The following BPNT2 variants were observed in gnomAD, a reference collection of about 807,000 sequenced individuals.
BPNT2 encodes the protein 3'(2'), 5'-bisphosphate nucleotidase 2.
In BPNT2, 11 loss-of-function variants were observed where a neutral mutation model predicts 29.3. The ratio of observed to expected loss-of-function variants is 0.38; its 90% CI spans 0.24 to 0.62. The LOEUF (loss-of-function observed/expected upper bound fraction) is 0.62. Among genes scored for constraint, BPNT2 ranks in the 20% least tolerant of loss-of-function variants. The pLI is 0.62. For missense variants in BPNT2, 459 were observed against 473.4 expected (o/e 0.97, Z 0.28); for synonymous variants, 195 against 187.7 (o/e 1.04, Z -0.32).
chr8:56,980,817 T>TACACAC (rs1343746473), intron 1 of BPNT2, among the ~76,000 whole-genome samples: 23 of 67,904 alleles, frequency 3.4e-4, no homozygotes, highest in African/African-American at 1.3e-3. Flanking sequence ...CATACATACA[T>TACACAC]ATACACACAC....
At chr8:56,972,487 G>A (rs1182879521) in intron 3 of BPNT2, among the ~76,000 whole-genome samples, 2 of 151,926 alleles carry the variant, frequency 1.3e-5, no homozygotes, top group East Asian at 1.9e-4. Context: ...ACACCAACAG[G>A]TGCAAAAACC....
chr8:56,968,381 T>C (rs1057094828), intron 3 of BPNT2, among the ~76,000 whole-genome samples: 11 of 132,096 alleles, frequency 8.3e-5, no homozygotes, highest in Admixed American at 8.2e-4. Flanking sequence ...ACAGAGAAAG[T>C]GATAGATTAA....
At position 56,993,396 on chromosome 8, in the gene BPNT2, G is replaced by C. The variant is rs761785565; in HGVS notation, c.190C>G (p.Arg64Gly). The change falls in exon 1 of 5, where the codon CGC becomes GGC. Residue 64 changes from arginine (R) to glycine (G), a missense_variant. Coordinates refer to ENST00000262644, the MANE Select transcript of BPNT2 (RefSeq NM_017813.5). Reference sequence around the variant, plus strand: ...AGCACTGACACAGCCAGCATCTCGCGCAAGTCCACGGTGCCCCCATCGGCC... The same window carrying C: ...AGCACTGACACAGCCAGCATCTCGCCCAAGTCCACGGTGCCCCCATCGGCC... Reference protein sequence around the residue: ...AAADGGTVDLREMLAVSVLAA... With the variant: ...AAADGGTVDLGEMLAVSVLAA... 4.4e-6 allele frequency: 7 copies of C among 1,606,952 alleles called. No homozygotes were observed. The highest frequency in any genetic ancestry group is 2.7e-5 in the African/African-American group (2 of 74,812).
intron 3 of BPNT2, among the ~76,000 whole-genome samples, chr8:56,968,111 T>C (rs1805978180): frequency 6.6e-6 from 1 of 151,920 alleles, no homozygotes; most frequent in Admixed American, 6.6e-5. Flanking sequence ...TGATTAAAAA[T>C]AATAAGCAAC....
At position 56,961,934 on chromosome 8, in the gene BPNT2, C is replaced by T. The variant is rs773325871; in HGVS notation, c.*1859G>A. 4 of 152,132 alleles carry T rather than the reference C, an allele frequency of 2.6e-5. No homozygotes were observed. Among genetic ancestry groups the T allele is most frequent in the Non-Finnish European group, 5.9e-5 (4 of 68,016 alleles). The allele number at this position is 152,132 out of a possible 1,614,324, so 9.4% of individuals were successfully genotyped here. On this transcript the variant is annotated 3_prime_UTR_variant, in exon 5 of 5. Coordinates refer to ENST00000262644, the MANE Select transcript of BPNT2 (RefSeq NM_017813.5). ...CATTGAAATTAAATTCCATTTTTTA[C>T]TTGCCAGTCCCATTTCCCTAACTTT...
Position 56,993,741 on chromosome 8 carries a change from G to A in BPNT2, c.-156C>T, listed in dbSNP as rs1563413976. On this transcript the variant is annotated 5_prime_UTR_variant, in exon 1 of 5. Coordinates refer to ENST00000262644, the MANE Select transcript of BPNT2 (RefSeq NM_017813.5). ...GGTGCGCCCCATCACTCCCTCCCAGGAAAGGCCGAGTTGCGCCGCGAAGAC... is the reference window on the plus strand; with the variant it reads ...GGTGCGCCCCATCACTCCCTCCCAGAAAAGGCCGAGTTGCGCCGCGAAGAC... 2.1e-6 allele frequency: 2 copies of A among 942,416 alleles called. No homozygotes were observed. The highest frequency in any genetic ancestry group is 2.5e-6 in the Non-Finnish European group (2 of 786,280). 58.4% of individuals were successfully genotyped at this position (942,416 alleles called of 1,614,324 possible).
At chr8:56,991,669 T>A (rs1806418282) in intron 1 of BPNT2, among the ~76,000 whole-genome samples, 1 of 152,224 alleles carries the variant, frequency 6.6e-6, no homozygotes, top group South Asian at 2.1e-4. Flanking sequence ...CTTCTTAAAG[T>A]TGCTGTTAAG....
intron 3 of BPNT2, among the ~76,000 whole-genome samples, chr8:56,972,088 AAAAAAG>A (rs1806045993): frequency 6.6e-6 from 1 of 152,052 alleles, no homozygotes; most frequent in Non-Finnish European, 1.5e-5. Flanking sequence ...TCCGTCTCAA[AAAAAAG>A]AAAAAAAAAA....
chr8:56,963,747 C>G lies in BPNT2; in HGVS notation c.*46G>C, dbSNP rs1188137984. ...CCTTTGAAGCTTCCAGCATCTCAGG[C>G]TAACCATTTCAGCTGTGAAGAACTG... On this transcript the variant is annotated 3_prime_UTR_variant, in exon 5 of 5. Coordinates refer to ENST00000262644, the MANE Select transcript of BPNT2 (RefSeq NM_017813.5). 1.2e-6 allele frequency: 2 copies of G among 1,608,026 alleles called. No homozygotes were observed. The highest frequency in any genetic ancestry group is 1.7e-6 in the Non-Finnish European group (2 of 1,174,992).
rs546164043 is a variant in BPNT2, at chr8:56,971,542, T to G, written c.647-5190A>C. ...TAAGTAGCCTAGAAATATTAAAAAT[T>G]TAAGAAAAAGCTAGGTATGTTATGA... On this transcript the variant is annotated intron_variant, in intron 3 of 4. Transcript: ENST00000262644. Among the ~76,000 whole-genome samples, 17 of 152,156 alleles carry G rather than the reference T, an allele frequency of 1.1e-4. No individual in the cohort carries two copies. In the East Asian group the frequency reaches 3.3e-3, roughly 29 times the overall value.
In BPNT2 at chr8:56,958,151, C is replaced by A. The variant is rs752863184; in HGVS notation, c.*5642G>T. ...TTTGCAAAGGTAACAAAACAAACAA[C>A]CAGCTTATACAACCAAGGCACAAAA... On this transcript the variant is annotated 3_prime_UTR_variant, in exon 5 of 5. Coordinates refer to ENST00000262644, the MANE Select transcript of BPNT2 (RefSeq NM_017813.5). 1.3e-5 allele frequency: 2 copies of A among 152,094 alleles called. No homozygotes were observed. Among genetic ancestry groups the A allele is most frequent in the Non-Finnish European group, 2.9e-5 (2 of 68,026 alleles). The allele number at this position is 152,094 out of a possible 1,614,324, so 9.4% of individuals were successfully genotyped here.
intron 3 of BPNT2, among the ~76,000 whole-genome samples, chr8:56,970,242 G>A (rs1384435772): frequency 6.6e-6 from 1 of 152,140 alleles, no homozygotes; most frequent in Non-Finnish European, 1.5e-5. Flanking sequence ...CATGAATGGC[G>A]AGACAAGTAT....
rs1002814735 is a variant in BPNT2 at position 56,961,969 on chromosome 8, T to C, written c.*1824A>G. 1.3e-5 allele frequency: 2 copies of C among 152,290 alleles called. No homozygotes were observed. The highest frequency in any genetic ancestry group is 6.5e-5 in the Admixed American group (1 of 15,288). 9.4% of individuals were successfully genotyped at this position (152,290 alleles called of 1,614,324 possible). A position where few individuals can be genotyped will look rare whatever the true frequency, so the allele number is the denominator to read the frequency against. Reference sequence around the variant, plus strand: ...CCATTTCCCTAACTTTGACATACTATAATAAAAACAGATGCTTATACCACA... The same window carrying C: ...CCATTTCCCTAACTTTGACATACTACAATAAAAACAGATGCTTATACCACA... On this transcript the variant is annotated 3_prime_UTR_variant, in exon 5 of 5. Coordinates refer to ENST00000262644, the MANE Select transcript of BPNT2 (RefSeq NM_017813.5).
At chr8:56,986,723 C>T (rs781452044) in intron 1 of BPNT2, among the ~76,000 whole-genome samples, 3 of 152,196 alleles carry the variant, frequency 2.0e-5, no homozygotes, top group Non-Finnish European at 2.9e-5. Flanking sequence ...AATCATCTAA[C>T]ACAAAGCCTA....
At chr8:56,983,271 C>A (rs1314270804) in intron 1 of BPNT2, among the ~76,000 whole-genome samples, 1 of 151,994 alleles carries the variant, frequency 6.6e-6, no homozygotes, top group Non-Finnish European at 1.5e-5. Context: ...AGTAATGTAG[C>A]TAGAGAAGCC....
intron 3 of BPNT2, among the ~76,000 whole-genome samples, chr8:56,969,891 C>CTAT (rs1462086452): frequency 4.6e-5 from 7 of 152,098 alleles, no homozygotes; most frequent in African/African-American, 1.4e-4. Context: ...TGGAAGGGTT[C>CTAT]TATACTCTAA....
Position 56,980,123 on chromosome 8 carries a change from G to A in BPNT2, c.462C>T (p.Ile154=), listed in dbSNP as rs1273126530. The A allele has an allele frequency of 6.2e-7, 1 of 1,613,094 alleles. No homozygotes were observed. The highest frequency in any genetic ancestry group is 8.5e-7 in the Non-Finnish European group (1 of 1,179,410). Residue 154 remains isoleucine (I), a synonymous_variant, in exon 2 of 5, where the codon ATC becomes ATT. Coordinates refer to ENST00000262644, the MANE Select transcript of BPNT2 (RefSeq NM_017813.5). ...ILWDHKIPED[I]LKEVTTPKEV... ...CTTTAGGAGTAGTTACTTCCTTTAGGATATCCTCAGGAATCTTATGATCCC... is the reference window on the plus strand; with the variant it reads ...CTTTAGGAGTAGTTACTTCCTTTAGAATATCCTCAGGAATCTTATGATCCC...
chr8:56,992,572 G>A (rs1484917903), intron 1 of BPNT2, among the ~76,000 whole-genome samples: 1 of 152,018 alleles, frequency 6.6e-6, no homozygotes, highest in Non-Finnish European at 1.5e-5. Flanking sequence ...CTTTAATCAA[G>A]GGCCAGGTAG....
intron 1 of BPNT2, among the ~76,000 whole-genome samples, chr8:56,987,073 G>A (rs150115230): frequency 1.1e-4 from 16 of 152,286 alleles, no homozygotes; most frequent in African/African-American, 3.4e-4. Context: ...TTCTCCATCA[G>A]TATTGTCAAA....
Sources: gnomAD v4.1 joint callset for allele counts (sites outside exome capture counted in the v4.1 genomes callset) on GRCh38, gnomAD v4.1.1 for gene constraint, MANE v1.5 for transcripts, NCBI Gene and HGNC (gene_info 2026-07-23, HGNC 2026-07-21) for gene names.